Variants in CLVS1 observed in about 807,000 individuals in gnomAD.
The protein encoded by CLVS1 is clavesin 1.
Under a neutral mutation model 33.1 loss-of-function variants are expected in CLVS1, and 10 were observed. That is an observed-to-expected ratio of 0.30 (90% CI 0.19 to 0.51). The LOEUF (loss-of-function observed/expected upper bound fraction) is 0.51, where lower values mean the gene tolerates loss of function less well. Ranked by LOEUF, CLVS1 falls within the 20% of genes least tolerant of loss-of-function variation. CLVS1 has a pLI of 0.97. For missense variants in CLVS1, 343 were observed against 433.4 expected (o/e 0.79, Z 1.85); for synonymous variants, 163 against 166.1 (o/e 0.98, Z 0.14).
chr8:60,989,432 C>G, the CLVS1 span, among the ~76,000 whole-genome samples: 1 of 152,214 alleles, frequency 6.6e-6, no homozygotes, highest in Non-Finnish European at 1.5e-5. Context: ...CCACCTCGGC[C>G]TCCCAAAGTG....
chr8:61,037,910 C>A, the CLVS1 span, among the ~76,000 whole-genome samples: 1 of 152,156 alleles, frequency 6.6e-6, no homozygotes, highest in Non-Finnish European at 1.5e-5. Context: ...GGTGACCTTG[C>A]TCTGGCAGGG....
chr8:61,187,998 T>C (rs944064085), intron 2 of CLVS1, among the ~76,000 whole-genome samples: 1 of 152,076 alleles, frequency 6.6e-6, no homozygotes, highest in Non-Finnish European at 1.5e-5. Context: ...TGCATGAGCA[T>C]CTGGAAGCTA....
At chr8:61,048,141 G>T in the CLVS1 span, among the ~76,000 whole-genome samples, 36 of 152,126 alleles carry the variant, frequency 2.4e-4, no homozygotes, top group African/African-American at 8.2e-4. Context: ...AGTTTAAATT[G>T]CAGTTGGACA....
At chr8:61,325,223 TACAC>T (rs1301100526) in intron 2 of CLVS1, among the ~76,000 whole-genome samples, 2 of 149,248 alleles carry the variant, frequency 1.3e-5, no homozygotes, top group East Asian at 2.1e-4. Flanking sequence ...CACACACACA[TACAC>T]ACACACAGTA....
At chr8:61,050,318 T>G in the CLVS1 span, among the ~76,000 whole-genome samples, 10 of 152,248 alleles carry the variant, frequency 6.6e-5, no homozygotes, top group African/African-American at 1.2e-4. Context: ...TCTTTCTGTC[T>G]GGGGGAGATG....
At chr8:61,496,859 AG>A (rs1327861199) in intron 5 of CLVS1, among the ~76,000 whole-genome samples, 26 of 152,206 alleles carry the variant, frequency 1.7e-4, no homozygotes, top group Admixed American at 8.5e-4. Flanking sequence ...TGGTATACCC[AG>A]GAACTGTGGG....
intron 2 of CLVS1, among the ~76,000 whole-genome samples, chr8:61,147,957 C>CAA (rs1466877044): frequency 6.6e-6 from 1 of 152,170 alleles, no homozygotes. Flanking sequence ...TGAGAAAAAT[C>CAA]AAAACCGTGT....
At chr8:61,032,327 C>A in the CLVS1 span, among the ~76,000 whole-genome samples, 1 of 152,202 alleles carries the variant, frequency 6.6e-6, no homozygotes, top group Admixed American at 6.5e-5. Context: ...GGAGCACCTC[C>A]TTCTGCTTTC....
At chr8:61,204,574 C>T (rs1422891635) in intron 2 of CLVS1, among the ~76,000 whole-genome samples, 1 of 152,106 alleles carries the variant, frequency 6.6e-6, no homozygotes, top group African/African-American at 2.4e-5. Flanking sequence ...AATGAGACTT[C>T]CTAAACATTC....
At chr8:61,031,871 C>T in the CLVS1 span, among the ~76,000 whole-genome samples, 2 of 150,892 alleles carry the variant, frequency 1.3e-5, no homozygotes, top group African/African-American at 2.4e-5. Flanking sequence ...AAAAATGGGG[C>T]GGGGTGGGGG....
At chr8:61,474,520 A>C (rs997888912) in intron 5 of CLVS1, among the ~76,000 whole-genome samples, 1 of 152,170 alleles carries the variant, frequency 6.6e-6, no homozygotes, top group Admixed American at 6.5e-5. Flanking sequence ...CTTCCTCTTC[A>C]TCTTCTTCTT....
At chr8:60,987,097 C>T in the CLVS1 span, among the ~76,000 whole-genome samples, 18 of 152,150 alleles carry the variant, frequency 1.2e-4, no homozygotes, top group Non-Finnish European at 1.5e-5. Context: ...AATGACAGTC[C>T]AGAGGCATTT....
intron 3 of CLVS1, among the ~76,000 whole-genome samples, chr8:61,388,449 T>C (rs1375410655): frequency 1.3e-5 from 2 of 151,826 alleles, no homozygotes; most frequent in African/African-American, 4.8e-5. Context: ...TTAGAATTTA[T>C]TAAATAAATT....
chr8:61,241,622 A>G (rs1808699927), intron 2 of CLVS1, among the ~76,000 whole-genome samples: 1 of 152,206 alleles, frequency 6.6e-6, no homozygotes, highest in African/African-American at 2.4e-5. Flanking sequence ...TTTATGGTAT[A>G]ATTTTCATTT....
the CLVS1 span, among the ~76,000 whole-genome samples, chr8:61,032,068 A>G: frequency 6.6e-6 from 1 of 152,226 alleles, no homozygotes; most frequent in South Asian, 2.1e-4. Context: ...GTTAGATGGC[A>G]GTGTGGGAAC....
chr8:61,285,447 C>T (rs979279554), upstream of CLVS1, among the ~76,000 whole-genome samples: 1 of 152,180 alleles, frequency 6.6e-6, no homozygotes, highest in African/African-American at 2.4e-5. Context: ...TCTGCTTGAC[C>T]TCCATTTCAG....
chr8:61,387,953 T>C (rs1033850190), intron 3 of CLVS1, among the ~76,000 whole-genome samples: 1 of 152,198 alleles, frequency 6.6e-6, no homozygotes, highest in African/African-American at 2.4e-5. Context: ...GTAAGTATCT[T>C]TTCTGTATAA....
the CLVS1 span, among the ~76,000 whole-genome samples, chr8:61,029,846 G>A: frequency 2.0e-5 from 3 of 152,152 alleles, no homozygotes; most frequent in South Asian, 4.1e-4. Context: ...TGCAGGTCTT[G>A]GGTGGCTTTA....
intron 5 of CLVS1, among the ~76,000 whole-genome samples, chr8:61,477,714 G>A (rs539376328): frequency 6.6e-6 from 1 of 151,940 alleles, no homozygotes; most frequent in African/African-American, 2.4e-5. Flanking sequence ...TCTTGCTAGT[G>A]GTCTATCAAT....
Sources: allele counts gnomAD v4.1 joint callset (sites outside exome capture counted in the v4.1 genomes callset), GRCh38; gene constraint gnomAD v4.1.1; transcripts MANE v1.5; gene names NCBI Gene and HGNC (gene_info 2026-07-23, HGNC 2026-07-21).